Variants in SYN3 observed in about 807,000 individuals in gnomAD.
SYN3 encodes the protein synapsin-3.
A neutral mutation model predicts 65.8 loss-of-function variants in SYN3; 35 were observed. The ratio of observed to expected loss-of-function variants is 0.53; its 90% CI spans 0.41 to 0.70. The LOEUF (loss-of-function observed/expected upper bound fraction) is 0.70. Ranked by LOEUF, SYN3 falls within the 30% of genes least tolerant of loss-of-function variation. SYN3 has a pLI of 0.00. For missense variants in SYN3, 680 were observed against 749.0 expected (o/e 0.91, Z 1.08); for synonymous variants, 270 against 292.9 (o/e 0.92, Z 0.80).
At chr22:32,971,357 G>A (rs143357474) in intron 3 of SYN3, among the ~76,000 whole-genome samples, 114 of 152,208 alleles carry the variant, frequency 7.5e-4, no homozygotes, top group African/African-American at 2.6e-3. Flanking sequence ...AGACCTGCAC[G>A]CTTTTAAAAA....
intron 4 of SYN3, among the ~76,000 whole-genome samples, chr22:32,886,116 G>A (rs1016135207): frequency 6.6e-6 from 1 of 152,192 alleles, no homozygotes; most frequent in South Asian, 2.1e-4. Flanking sequence ...TGGCTCATAA[G>A]CTTGTGTGTT....
intron 6 of SYN3, among the ~76,000 whole-genome samples, chr22:32,780,423 C>T (rs370523590): frequency 1.3e-5 from 2 of 152,274 alleles, no homozygotes; most frequent in East Asian, 1.9e-4. Flanking sequence ...CTGTGCAGTG[C>T]GCTGTTGGCC....
At chr22:32,572,392 T>C (rs1601664480) in intron 7 of SYN3, among the ~76,000 whole-genome samples, 104 of 76,298 alleles carry the variant, frequency 1.4e-3, no homozygotes, top group East Asian at 4.8e-3. Flanking sequence ...CTTTCCTTCC[T>C]TCCCTCCCTC....
chr22:32,537,454 C>T (rs978427128), intron 9 of SYN3, among the ~76,000 whole-genome samples: 1 of 152,148 alleles, frequency 6.6e-6, no homozygotes, highest in Admixed American at 6.5e-5. Flanking sequence ...CCACCGCACC[C>T]GGCCGGCACT....
chr22:32,853,458 G>A (rs2048279894), intron 6 of SYN3, among the ~76,000 whole-genome samples: 1 of 152,190 alleles, frequency 6.6e-6, no homozygotes. Context: ...TAGAGTGAAG[G>A]CCAGACATTT....
At position 32,780,934 on chromosome 22, in the gene SYN3, TTTCCTTCCTTCC is replaced by T. The variant is rs71187216; in HGVS notation, c.711+83969_711+83980del. Among the ~76,000 whole-genome samples the T allele has an allele frequency of 4.5e-3, 375 of 82,686 alleles. 2 individuals are homozygous for T. The highest frequency in any genetic ancestry group is 0.018 in the Middle Eastern group (3 of 166). The allele number at this position is 82,686 out of a possible 152,430, so 54.2% of individuals were successfully genotyped here. A position where few individuals can be genotyped will look rare whatever the true frequency, so the allele number is the denominator to read the frequency against. On this transcript the variant is annotated intron_variant, in intron 6 of 13. Transcript: ENST00000358763. ...CTTGCTTCCTTCCTTCCTTCCTTCCTTTCCTTCCTTCCTTCCTTCCTTCCTTCCTTCCTTCCT... is the reference window on the plus strand; with the variant it reads ...CTTGCTTCCTTCCTTCCTTCCTTCCTTTCCTTCCTTCCTTCCTTCCTTCCT...
chr22:32,822,674 A>G (rs1175181621), intron 6 of SYN3, among the ~76,000 whole-genome samples: 1 of 152,198 alleles, frequency 6.6e-6, no homozygotes, highest in African/African-American at 2.4e-5. Flanking sequence ...GAAGATCTGC[A>G]CTTCCTCTTC....
At chr22:32,775,200 G>A (rs962700906) in intron 6 of SYN3, among the ~76,000 whole-genome samples, 14 of 152,060 alleles carry the variant, frequency 9.2e-5, no homozygotes, top group African/African-American at 3.1e-4. Context: ...AGTGTGGAGA[G>A]GTGGACTAGG....
chr22:32,741,226 C>A (rs1277045682), intron 6 of SYN3, among the ~76,000 whole-genome samples: 1 of 151,980 alleles, frequency 6.6e-6, no homozygotes, highest in Admixed American at 6.6e-5. Flanking sequence ...CATGCAGCCA[C>A]ACACAGTAAT....
rs571991869 is a variant in SYN3 at position 32,855,583 on chromosome 22, G to C, written c.711+9332C>G. Among the ~76,000 whole-genome samples the C allele has an allele frequency of 2.0e-5, 3 of 152,254 alleles. No homozygotes were observed. In the South Asian group the frequency reaches 6.2e-4, roughly 32 times the overall value. Reference sequence around the variant, plus strand: ...CCTCATCTATAAAATGGGCATAATAGTTCCTACCTCATAGGGTTGTCATGG... The same window carrying C: ...CCTCATCTATAAAATGGGCATAATACTTCCTACCTCATAGGGTTGTCATGG... On this transcript the variant is annotated intron_variant, in intron 6 of 13. Coordinates refer to ENST00000358763, the MANE Select transcript of SYN3 (RefSeq NM_003490.4).
chr22:33,031,528 G>A (rs760035360), intron 1 of SYN3, among the ~76,000 whole-genome samples: 7 of 151,830 alleles, frequency 4.6e-5, no homozygotes, highest in Admixed American at 6.6e-5. Flanking sequence ...GCCTCCCCAC[G>A]GGTTCTCCCT....
intron 7 of SYN3, among the ~76,000 whole-genome samples, chr22:32,551,198 A>C (rs1238939129): frequency 6.6e-6 from 1 of 152,208 alleles, no homozygotes; most frequent in Non-Finnish European, 1.5e-5. Flanking sequence ...ATCAATGCCA[A>C]GGCCACTGGG....
At chr22:32,594,138 G>T (rs28463585) in intron 7 of SYN3, among the ~76,000 whole-genome samples, 1 of 152,154 alleles carries the variant, frequency 6.6e-6, no homozygotes, top group East Asian at 1.9e-4. Flanking sequence ...GGCAGTGGGA[G>T]ACAAGGGAAT....
At chr22:32,705,259 A>G (rs905189940) in intron 6 of SYN3, among the ~76,000 whole-genome samples, 5 of 152,228 alleles carry the variant, frequency 3.3e-5, no homozygotes, top group African/African-American at 1.2e-4. Flanking sequence ...GTCCAGTTTC[A>G]ATCTTCTACA....
chr22:32,913,466 TA>T (rs1285677134), intron 4 of SYN3, among the ~76,000 whole-genome samples: 4 of 151,806 alleles, frequency 2.6e-5, no homozygotes, highest in South Asian at 2.1e-4. Context: ...CCAAGTCTAT[TA>T]TTTTTTTTTT....
At chr22:32,988,787 C>G (rs749046391) in intron 2 of SYN3, among the ~76,000 whole-genome samples, 8 of 152,126 alleles carry the variant, frequency 5.3e-5, no homozygotes, top group Admixed American at 3.3e-4. Flanking sequence ...ATGTGTGTGT[C>G]TGCCAAAAGG....
At chr22:32,905,955 G>T (rs1302806935) in intron 4 of SYN3, among the ~76,000 whole-genome samples, 1 of 152,166 alleles carries the variant, frequency 6.6e-6, no homozygotes, top group Non-Finnish European at 1.5e-5. Context: ...CAGCAGGTTT[G>T]GTATCATTGG....
chr22:33,033,856 C>A (rs2053800848), intron 1 of SYN3, among the ~76,000 whole-genome samples: 1 of 152,132 alleles, frequency 6.6e-6, no homozygotes, highest in Non-Finnish European at 1.5e-5. Context: ...AAAGCCACAA[C>A]ACAGGTCTCC....
chr22:32,604,678 G>A (rs747214603), intron 6 of SYN3, among the ~76,000 whole-genome samples: 1 of 152,136 alleles, frequency 6.6e-6, no homozygotes, highest in Non-Finnish European at 1.5e-5. Context: ...CACTCTGAGA[G>A]TTCTCTTTTC....
Sources: allele counts gnomAD v4.1 joint callset (sites outside exome capture counted in the v4.1 genomes callset), GRCh38; gene constraint gnomAD v4.1.1; transcripts MANE v1.5; gene names NCBI Gene and HGNC (gene_info 2026-07-23, HGNC 2026-07-21).